SLIT1: variants seen among roughly 807,000 people sequenced by gnomAD.
SLIT1 encodes slit guidance ligand 1.
In SLIT1, 66 loss-of-function variants were observed where a neutral mutation model predicts 186.1. The observed-to-expected ratio is 0.35, with a 90% CI of 0.29 to 0.44. The LOEUF (loss-of-function observed/expected upper bound fraction) is 0.44, where lower values mean the gene tolerates loss of function less well. Among genes scored for constraint, SLIT1 ranks in the 20% least tolerant of loss-of-function variants. The probability of loss-of-function intolerance (pLI) is 1.00; values close to 1 mark genes in which losing one functional copy is unlikely to be tolerated. For missense variants in SLIT1, 1,638 were observed against 2,037.4 expected (o/e 0.80, Z 3.77); for synonymous variants, 761 against 833.8 (o/e 0.91, Z 1.50).
At chr10:97,052,644 T>A (rs1848800321) in intron 13 of SLIT1, among the ~76,000 whole-genome samples, 2 of 152,176 alleles carry the variant, frequency 1.3e-5, no homozygotes, top group South Asian at 4.1e-4. Flanking sequence ...ATAGAGCTGT[T>A]TCTTTTTTTT....
chr10:97,162,528 G>A (rs749077302), intron 3 of SLIT1, among the ~76,000 whole-genome samples: 12 of 152,132 alleles, frequency 7.9e-5, no homozygotes, highest in Non-Finnish European at 1.3e-4. Flanking sequence ...CGGGGGAATC[G>A]CTTGAACCCG....
At chr10:97,065,757 A>T (rs1476068187) in intron 5 of SLIT1, 2 of 442,724 alleles carry the variant, frequency 4.5e-6, no homozygotes, top group Non-Finnish European at 8.3e-6. Flanking sequence ...GCCCACGCTG[A>T]TAACACGCTT....
intron 1 of SLIT1, among the ~76,000 whole-genome samples, chr10:97,166,497 C>A (rs1337215038): frequency 7.9e-6 from 1 of 127,168 alleles, no homozygotes; most frequent in South Asian, 2.6e-4. Context: ...GCCTGGGCAA[C>A]AAGAACAAAA....
At chr10:97,166,563 GAGAGAGA>G (rs2134730899) in intron 1 of SLIT1, among the ~76,000 whole-genome samples, 1 of 68,088 alleles carries the variant, frequency 1.5e-5, no homozygotes, top group African/African-American at 5.3e-5. Context: ...AGGAAAGAGA[GAGAGAGA>G]GAAAGAAAGA....
intron 1 of SLIT1, among the ~76,000 whole-genome samples, chr10:97,179,796 A>ACCCCCCCCCCCCCCCCCCCCCCCCCCC (rs1411663173): frequency 1.9e-5 from 2 of 103,012 alleles, no homozygotes; most frequent in Admixed American, 1.0e-4. Flanking sequence ...AATTCTCCAC[A>ACCCCCCCCCCCCCCCCCCCCCCCCCCC]CCCTCCCCGC....
At chr10:97,179,717 T>C (rs1400564496) in intron 1 of SLIT1, among the ~76,000 whole-genome samples, 3 of 152,106 alleles carry the variant, frequency 2.0e-5, no homozygotes, top group African/African-American at 7.2e-5. Flanking sequence ...CCAACAGCTG[T>C]CTGTCCGCCA....
At chr10:97,079,749 G>A (rs1410873024) in intron 4 of SLIT1, among the ~76,000 whole-genome samples, 1 of 152,236 alleles carries the variant, frequency 6.6e-6, no homozygotes, top group South Asian at 2.1e-4. Flanking sequence ...CTGTGCAGAT[G>A]TGAGTATCTG....
chr10:97,035,901 C>A (rs1848634150), intron 22 of SLIT1, among the ~76,000 whole-genome samples: 3 of 152,174 alleles, frequency 2.0e-5, no homozygotes, highest in African/African-American at 7.2e-5. Context: ...AGCTCGTGTT[C>A]CAAGATGCCC....
intron 1 of SLIT1, among the ~76,000 whole-genome samples, chr10:97,179,796 A>ACCCCCCCCCCCCCCCCCCCCCCC (rs1411663173): frequency 1.9e-5 from 2 of 103,002 alleles, no homozygotes; most frequent in Admixed American, 1.0e-4. Context: ...AATTCTCCAC[A>ACCCCCCCCCCCCCCCCCCCCCCC]CCCTCCCCGC....
intron 4 of SLIT1, among the ~76,000 whole-genome samples, chr10:97,091,894 G>T (rs1320522648): frequency 6.6e-6 from 1 of 152,214 alleles, no homozygotes; most frequent in Non-Finnish European, 1.5e-5. Flanking sequence ...TCTTTTACAG[G>T]CCAGAACTAA....
Position 97,164,904 on chromosome 10 carries a change from G to T in SLIT1, c.198-14C>A. On this transcript the variant is annotated splice_polypyrimidine_tract_variant and intron_variant, in intron 1 of 36. Transcript: ENST00000266058. ...CCATTGAGTTCCCTGGAGGAAGAAG[G>T]AGAGAAGGAAGCAGTGGGGTGAGCA... 1 of 1,609,258 alleles carries T rather than the reference G, an allele frequency of 6.2e-7. No individual in the cohort carries two copies. Among genetic ancestry groups the T allele is most frequent in the South Asian group, 1.1e-5 (1 of 90,964 alleles).
intron 1 of SLIT1, among the ~76,000 whole-genome samples, chr10:97,166,291 G>C (rs990763931): frequency 2.0e-5 from 3 of 151,854 alleles, no homozygotes; most frequent in Admixed American, 6.6e-5. Flanking sequence ...GAGGCGGGTG[G>C]ATCACCTGAG....
In SLIT1 at chr10:97,004,364, C is replaced by A; in HGVS notation, c.3711-142G>T. The A allele has an allele frequency of 1.2e-6, 1 of 833,844 alleles. No homozygotes were observed. The highest frequency in any genetic ancestry group is 1.9e-6 in the Non-Finnish European group (1 of 530,598). 51.7% of individuals were successfully genotyped at this position (833,844 alleles called of 1,614,324 possible). On this transcript the variant is annotated intron_variant, in intron 33 of 36. Transcript: ENST00000266058. This position sits in a 1 kb window ranked among gnomAD's most constrained non-coding sequence, Gnocchi z 5.1. ...AAAAGGACTGTGGGGGCTCAAGGGT[C>A]TATCGCATGATCCCTTTCACTCCCC...
intron 4 of SLIT1, chr10:97,103,084 A>T (rs1849376426): frequency 6.6e-6 from 1 of 152,342 alleles, no homozygotes; most frequent in African/African-American, 2.4e-5. Context: ...TGCACGGAAG[A>T]ACTGATGAGC....
chr10:97,116,881 G>A (rs535433207), intron 4 of SLIT1, among the ~76,000 whole-genome samples: 4 of 152,280 alleles, frequency 2.6e-5, no homozygotes, highest in Admixed American at 2.6e-4. Flanking sequence ...CCAAAGACCT[G>A]GGATTCACTC....
chr10:97,176,976 C>T (rs1215099507), intron 1 of SLIT1, among the ~76,000 whole-genome samples: 1 of 152,212 alleles, frequency 6.6e-6, no homozygotes, highest in Non-Finnish European at 1.5e-5. Context: ...AATCCCAGCA[C>T]CAAGCAGTAT....
chr10:97,002,211 T>A lies in SLIT1; in HGVS notation c.4313A>T (p.Lys1438Met). Reference protein sequence around the residue: ...LHGHCQASGTKGAHCVCDPGF... With the variant: ...LHGHCQASGTMGAHCVCDPGF... ...GGGGTCACACACACAGTGTGCCCCC[T>A]TGGTGCCTGAGGCCTGGCAGTGGCC... Residue 1438 changes from lysine to methionine, a missense_variant, in exon 36 of 37, where the codon AAG becomes ATG. Lys to Met is a moderately conservative substitution (Grantham distance 95). Transcript: ENST00000266058. 6.3e-7 allele frequency: 1 copy of A among 1,581,478 alleles called. No homozygotes were observed. The highest frequency in any genetic ancestry group is 2.3e-5 in the East Asian group (1 of 43,392).
At chr10:97,058,680 C>G (rs1848863701) in intron 11 of SLIT1, among the ~76,000 whole-genome samples, 1 of 152,338 alleles carries the variant, frequency 6.6e-6, no homozygotes, top group South Asian at 2.1e-4. Flanking sequence ...GAGTTCTATT[C>G]CGTTGTACTT....
chr10:97,158,723 A>T lies in SLIT1; in HGVS notation c.342-834T>A, dbSNP rs567467312. 7.3e-5 allele frequency among the ~76,000 whole-genome samples: 11 copies of T among 151,100 alleles called. No individual in the cohort carries two copies. The South Asian group carries it at 2.3e-3, about 32-fold the overall frequency. On this transcript the variant is annotated intron_variant, in intron 3 of 36. Transcript: ENST00000266058. Reference sequence around the variant, plus strand: ...TTGATTATTTTTATCATTAATAAAAATGCATGCTCAGCCAGGCATGATGGC... The same window carrying T: ...TTGATTATTTTTATCATTAATAAAATTGCATGCTCAGCCAGGCATGATGGC...
Sources: gnomAD v4.1 joint callset for allele counts (sites outside exome capture counted in the v4.1 genomes callset) on GRCh38, gnomAD v4.1.1 for gene constraint, Gnocchi (gnomAD v3.1) non-coding constraint, MANE v1.5 for transcripts, NCBI Gene and HGNC (gene_info 2026-07-23, HGNC 2026-07-21) for gene names.